The following SEC23B variants were observed in gnomAD, a reference collection of about 807,000 sequenced individuals.
SEC23B encodes protein transport protein Sec23B.
In SEC23B, 77 loss-of-function variants were observed where a neutral mutation model predicts 104.3. The observed-to-expected ratio is 0.74, with a 90% CI of 0.61 to 0.89. The LOEUF is 0.89. Ranked by LOEUF, SEC23B falls within the 40% of genes least tolerant of loss-of-function variation. The probability of loss-of-function intolerance (pLI) is 0.00; values close to 1 mark genes in which losing one functional copy is unlikely to be tolerated. For synonymous variants in SEC23B, 338 were observed against 332.5 expected (o/e 1.02, Z -0.18); for missense variants, 885 against 949.4 (o/e 0.93, Z 0.89).
Position 18,512,227 on chromosome 20 carries a change from A to G in SEC23B, c.224A>G (p.Gln75Arg), listed in dbSNP as rs1430183991. The change falls in exon 3 of 20, where the codon CAG becomes CGG. Residue 75 changes from glutamine (Q) to arginine (R), a missense_variant and splice_region_variant. Transcript: ENST00000650089. ...TATAATATTTATCTTTCTCACAGTC[A>G]GGTTGATTATCGAGCAAAACTTTGG... is the stretch of plus-strand genomic sequence containing the variant. ...TCKAVLNPLC[Q>R]VDYRAKLWAC... 5 of 1,579,800 alleles carry G rather than the reference A, an allele frequency of 3.2e-6. No individual in the cohort carries two copies. The highest frequency in any genetic ancestry group is 1.8e-4 in the Middle Eastern group (1 of 5,588).
intron 9 of SEC23B, among the ~76,000 whole-genome samples, chr20:18,529,483 T>A (rs992918308): frequency 2.0e-5 from 3 of 152,186 alleles, no homozygotes; most frequent in Admixed American, 1.3e-4. Flanking sequence ...CACAATAAGT[T>A]TATTTCTCTG....
chr20:18,555,752 A>G (rs544519212), intron 19 of SEC23B, among the ~76,000 whole-genome samples: 1 of 151,986 alleles, frequency 6.6e-6, no homozygotes, highest in Non-Finnish European at 1.5e-5. Context: ...TCTTTTACCC[A>G]TTTTCCCTTA....
rs1008652205 is a variant in SEC23B at position 18,507,941 on chromosome 20, T to C, written c.-46T>C. ...GGCGGTGGGAGCCGGAGCCTGCTTG[T>C]TGCAGCTGTGGGTGAGGACGGCTCT... On this transcript the variant is annotated 5_prime_UTR_variant, in exon 1 of 20. Coordinates refer to ENST00000650089, the MANE Select transcript of SEC23B (RefSeq NM_006363.6). 3 of 152,536 alleles carry C rather than the reference T, an allele frequency of 2.0e-5. No homozygotes were observed. The highest frequency in any genetic ancestry group is 4.4e-5 in the Non-Finnish European group (3 of 68,372). 9.4% of individuals were successfully genotyped at this position (152,536 alleles called of 1,614,324 possible). A position where few individuals can be genotyped will look rare whatever the true frequency, so the allele number is the denominator to read the frequency against.
In SEC23B at chr20:18,512,256, T is replaced by C; in HGVS notation, c.253T>C (p.Cys85Arg). The C allele has an allele frequency of 6.3e-7, 1 of 1,591,662 alleles. No homozygotes were observed. ...TGATTATCGAGCAAAACTTTGGGCC[T>C]GTAATTTCTGTTTTCAAAGAAATCA... ...QVDYRAKLWA[C>R]NFCFQRNQFP... Residue 85 changes from cysteine to arginine, a missense_variant, in exon 3 of 20, where the codon TGT becomes CGT. Coordinates refer to ENST00000650089, the MANE Select transcript of SEC23B (RefSeq NM_006363.6).
chr20:18,514,404 G>A (rs577950591), intron 3 of SEC23B, among the ~76,000 whole-genome samples: 1 of 152,164 alleles, frequency 6.6e-6, no homozygotes, highest in Non-Finnish European at 1.5e-5. Flanking sequence ...TGGGGCTAGA[G>A]TCTTCTGCTG....
chr20:18,520,783 T>C (rs2060076013), intron 4 of SEC23B, among the ~76,000 whole-genome samples: 1 of 151,862 alleles, frequency 6.6e-6, no homozygotes, highest in Non-Finnish European at 1.5e-5. Flanking sequence ...GGACTTACTC[T>C]CCACTGTAAG....
intron 6 of SEC23B, among the ~76,000 whole-genome samples, chr20:18,525,345 C>T (rs1431349053): frequency 1.3e-5 from 2 of 152,188 alleles, no homozygotes; most frequent in African/African-American, 4.8e-5. Flanking sequence ...CTAGACTGAG[C>T]TAACAAGCTC....
intron 3 of SEC23B, 29 bp from the exon 4 acceptor site, chr20:18,515,621 C>T: frequency 1.5e-6 from 2 of 1,319,012 alleles, no homozygotes; most frequent in Non-Finnish European, 2.2e-6. Context: ...GTTATGCCAA[C>T]CCTAATAAAA....
intron 4 of SEC23B, among the ~76,000 whole-genome samples, chr20:18,523,397 C>CTTTTTTTTT (rs112136906): frequency 7.7e-5 from 10 of 130,554 alleles, no homozygotes; most frequent in Non-Finnish European, 9.4e-5. Context: ...TCTTTCCTTT[C>CTTTTTTTTT]TTTTTTTTTT....
At chr20:18,541,009 G>T in intron 12 of SEC23B, among the ~76,000 whole-genome samples, 1 of 152,252 alleles carries the variant, frequency 6.6e-6, no homozygotes, top group East Asian at 1.9e-4. Context: ...GTGGTTTAGT[G>T]TAGCCACCAC....
rs755025436 is a variant in SEC23B, at chr20:18,535,692, G to A, written c.1354G>A (p.Gly452Ser). ...TGGCACGAGTCAGTGGAAAATCTGT[G>A]GCCTAGATCCTACATCTACACTTGG... ...VGGTSQWKICGLDPTSTLGIY... is the reference protein window; with the variant it reads ...VGGTSQWKICSLDPTSTLGIY... The change falls in exon 12 of 20, where the codon GGC (glycine) becomes AGC (serine). Residue 452 changes from glycine (G) to serine (S), a missense_variant. Transcript: ENST00000650089. The A allele has an allele frequency of 1.2e-6, 2 of 1,613,636 alleles. No individual in the cohort carries two copies. The highest frequency in any genetic ancestry group is 3.3e-5 in the Admixed American group (2 of 59,976).
chr20:18,547,795 A>T (rs941252041), intron 15 of SEC23B, among the ~76,000 whole-genome samples: 7 of 151,974 alleles, frequency 4.6e-5, no homozygotes, highest in African/African-American at 1.7e-4. Flanking sequence ...TGCCTTTCTC[A>T]CTGGGCCTGA....
chr20:18,535,196 A>ACCCCC (rs1270762579), intron 11 of SEC23B, among the ~76,000 whole-genome samples: 10 of 113,430 alleles, frequency 8.8e-5, no homozygotes, highest in South Asian at 3.1e-4. Flanking sequence ...TGACACACCC[A>ACCCCC]CCCCCCCCCA....
Position 18,524,981 on chromosome 20 carries a change from G to A in SEC23B, c.650G>A (p.Arg217Gln), listed in dbSNP as rs746057154. 6 of 1,613,922 alleles carry A rather than the reference G, an allele frequency of 3.7e-6. No individual in the cohort carries two copies. Among genetic ancestry groups the A allele is most frequent in the African/African-American group, 2.7e-5 (2 of 74,962 alleles). The part of the protein sequence containing the change: ...TKPAMPMQQA[R>Q]PAQPQEHPFA... ...CCAGCCATGCCCATGCAGCAAGCAC[G>A]ACCTGCACAACCACAGGAGCACCCT... is the stretch of plus-strand genomic sequence containing the variant. Residue 217 changes from arginine (R) to glutamine (Q), a missense_variant, in exon 6 of 20, where the codon CGA becomes CAA. Physicochemically the swap from Arg to Gln is conservative, Grantham distance 43. Transcript: ENST00000650089.
intron 11 of SEC23B, among the ~76,000 whole-genome samples, chr20:18,535,408 G>A (rs1216083335): frequency 1.3e-5 from 2 of 151,986 alleles, no homozygotes; most frequent in Non-Finnish European, 2.9e-5. Flanking sequence ...TATATGTATA[G>A]TATATATGAT....
At chr20:18,516,842 C>T (rs904957551) in intron 4 of SEC23B, among the ~76,000 whole-genome samples, 5 of 151,986 alleles carry the variant, frequency 3.3e-5, no homozygotes, top group African/African-American at 9.7e-5. Flanking sequence ...CGTGAGCCAC[C>T]GCACCCGGCC....
intron 19 of SEC23B, among the ~76,000 whole-genome samples, chr20:18,560,429 A>G (rs1270208687): frequency 6.6e-6 from 1 of 152,156 alleles, no homozygotes; most frequent in Admixed American, 6.6e-5. Context: ...CAAAACTAGC[A>G]GGCGGTGGTG....
intron 7 of SEC23B, 118 bp downstream of exon 7, chr20:18,526,050 C>A: frequency 8.1e-7 from 1 of 1,232,204 alleles, no homozygotes; most frequent in Non-Finnish European, 1.2e-6. Flanking sequence ...GTTAATGTAT[C>A]AGAAAGCATT....
At chr20:18,512,104 CACTT>C (rs1264797726) in intron 2 of SEC23B, 117 bp from the exon 3 acceptor site, 9 of 660,862 alleles carry the variant, frequency 1.4e-5, no homozygotes, top group African/African-American at 3.7e-5. Context: ...CACATAGAAA[CACTT>C]ACTTGTGTGA....
Sources: gnomAD v4.1 joint callset for allele counts (sites outside exome capture counted in the v4.1 genomes callset) on GRCh38, gnomAD v4.1.1 for gene constraint, MANE v1.5 for transcripts, NCBI Gene and HGNC (gene_info 2026-07-23, HGNC 2026-07-21) for gene names.